Variants in SGCG observed in about 807,000 individuals in gnomAD.
SGCG encodes the protein sarcoglycan gamma.
Under a neutral mutation model 29.3 loss-of-function variants are expected in SGCG, and 26 were observed. The ratio of observed to expected loss-of-function variants is 0.89; its 90% confidence interval spans 0.65 to 1.23. The LOEUF (loss-of-function observed/expected upper bound fraction) is 1.23. SGCG is among the 50% of genes most tolerant of loss of function. The probability of loss-of-function intolerance (pLI) is 0.00; values close to 1 mark genes in which losing one functional copy is unlikely to be tolerated. For synonymous variants in SGCG, 145 were observed against 129.7 expected, an observed-to-expected ratio of 1.12 and a Z score of -0.80; for missense variants, 353 against 356.0, an observed-to-expected ratio of 0.99 and a Z score of 0.07.
intron 6 of SGCG, among the ~76,000 whole-genome samples, chr13:23,303,240 G>A (rs1882237406): frequency 6.6e-6 from 1 of 152,180 alleles, no homozygotes; most frequent in Non-Finnish European, 1.5e-5. Flanking sequence ...TCTGGGAAGG[G>A]GAACCCCTGC....
intron 4 of SGCG, among the ~76,000 whole-genome samples, chr13:23,263,942 C>T (rs567974559): frequency 4.6e-5 from 7 of 151,940 alleles, no homozygotes; most frequent in Non-Finnish European, 1.0e-4. Context: ...TAATAGAAGC[C>T]ATATATGACA....
intron 4 of SGCG, among the ~76,000 whole-genome samples, chr13:23,261,962 G>A (rs1880454034): frequency 6.6e-6 from 1 of 151,964 alleles, no homozygotes; most frequent in African/African-American, 2.4e-5. Flanking sequence ...AAATGCTGAT[G>A]GAATTTGTCA....
intron 1 of SGCG, among the ~76,000 whole-genome samples, chr13:23,200,728 G>T (rs990719093): frequency 1.3e-5 from 2 of 152,254 alleles, no homozygotes; most frequent in African/African-American, 4.8e-5. Flanking sequence ...GCCTGTTACT[G>T]AAATAGGAAT....
At chr13:23,210,642 G>C (rs1878161178) in intron 2 of SGCG, among the ~76,000 whole-genome samples, 1 of 152,132 alleles carries the variant, frequency 6.6e-6, no homozygotes, top group Admixed American at 6.5e-5. Flanking sequence ...AGTGAGCCGA[G>C]ATCATGCCAT....
At chr13:23,169,469 A>G in the SGCG span, among the ~76,000 whole-genome samples, 5 of 151,920 alleles carry the variant, frequency 3.3e-5, no homozygotes, top group East Asian at 9.7e-4. Context: ...TCACGAGGTC[A>G]AGAGATCGAG....
chr13:23,196,309 A>C (rs981821247), intron 1 of SGCG, among the ~76,000 whole-genome samples: 1 of 152,106 alleles, frequency 6.6e-6, no homozygotes, highest in Non-Finnish European at 1.5e-5. Context: ...CCTTTGGGTA[A>C]GTTACTAGAA....
At chr13:23,214,975 T>C (rs1878371404) in intron 2 of SGCG, among the ~76,000 whole-genome samples, 1 of 152,146 alleles carries the variant, frequency 6.6e-6, no homozygotes, top group Admixed American at 6.5e-5. Flanking sequence ...GTGATACAAA[T>C]CCCATTATTA....
chr13:23,226,373 C>A (rs577613893), intron 2 of SGCG, among the ~76,000 whole-genome samples: 4 of 150,722 alleles, frequency 2.7e-5, no homozygotes, highest in Non-Finnish European at 5.9e-5. Flanking sequence ...TATGCAAAAA[C>A]CAAGAAAAAT....
At chr13:23,290,608 G>A (rs1881667561) in intron 5 of SGCG, among the ~76,000 whole-genome samples, 2 of 152,258 alleles carry the variant, frequency 1.3e-5, no homozygotes, top group South Asian at 2.1e-4. Context: ...AATAGGACGG[G>A]AGGCAGTAGA....
intron 4 of SGCG, among the ~76,000 whole-genome samples, chr13:23,257,925 T>A (rs1288108488): frequency 2.6e-5 from 4 of 152,190 alleles, no homozygotes; most frequent in Non-Finnish European, 4.4e-5. Context: ...TTGGTACCAG[T>A]ACCATGCTGT....
chr13:23,297,836 C>A (rs1166808814), intron 6 of SGCG, among the ~76,000 whole-genome samples: 1 of 151,670 alleles, frequency 6.6e-6, no homozygotes, highest in Non-Finnish European at 1.5e-5. Flanking sequence ...CCTCTGCCTC[C>A]CGGATTCAAG....
chr13:23,161,909 A>G, the SGCG span, among the ~76,000 whole-genome samples: 9 of 152,262 alleles, frequency 5.9e-5, no homozygotes, highest in Admixed American at 3.9e-4. Context: ...CGTGTATGAT[A>G]CACTTAACAC....
chr13:23,242,995 C>A (rs1478483676), intron 3 of SGCG, among the ~76,000 whole-genome samples: 1 of 152,010 alleles, frequency 6.6e-6, no homozygotes, highest in African/African-American at 2.4e-5. Context: ...AAAATGTACA[C>A]GTTGATTGTT....
chr13:23,214,596 G>A (rs913729216), intron 2 of SGCG, among the ~76,000 whole-genome samples: 1 of 152,272 alleles, frequency 6.6e-6, no homozygotes, highest in South Asian at 2.1e-4. Context: ...TGGCAGAGAT[G>A]TGTCTGGTGC....
intron 2 of SGCG, among the ~76,000 whole-genome samples, chr13:23,210,533 T>C (rs1234094002): frequency 1.3e-5 from 2 of 151,980 alleles, no homozygotes; most frequent in South Asian, 2.1e-4. Flanking sequence ...CTACTAAAAA[T>C]ACAAAACATT....
At chr13:23,238,774 C>A (rs1879401161) in intron 3 of SGCG, among the ~76,000 whole-genome samples, 1 of 152,162 alleles carries the variant, frequency 6.6e-6, no homozygotes, top group Non-Finnish European at 1.5e-5. Flanking sequence ...ACAAAAGAAT[C>A]TTCTAGAGAT....
intron 3 of SGCG, among the ~76,000 whole-genome samples, chr13:23,238,895 G>C (rs960971500): frequency 1.3e-5 from 2 of 152,074 alleles, no homozygotes; most frequent in African/African-American, 4.8e-5. Flanking sequence ...AGAGAAAAAT[G>C]ACTAGAAAAA....
chr13:23,172,344 A>G, the SGCG span, among the ~76,000 whole-genome samples: 2 of 152,216 alleles, frequency 1.3e-5, no homozygotes, highest in African/African-American at 2.4e-5. Context: ...AGTCACTGAC[A>G]TATCTCAATA....
At chr13:23,220,810 T>C (rs1169414694) in intron 2 of SGCG, among the ~76,000 whole-genome samples, 1 of 151,988 alleles carries the variant, frequency 6.6e-6, no homozygotes, top group African/African-American at 2.4e-5. Flanking sequence ...GAAAGGGGAG[T>C]GAGTTAGTCT....
Sources: allele counts gnomAD v4.1 joint callset (sites outside exome capture counted in the v4.1 genomes callset), GRCh38; gene constraint gnomAD v4.1.1; transcripts MANE v1.5; gene names NCBI Gene and HGNC (gene_info 2026-07-23, HGNC 2026-07-21).